The following TTC39B variants were observed in gnomAD, a reference collection of about 807,000 sequenced individuals.
The protein encoded by TTC39B is tetratricopeptide repeat domain 39B.
In TTC39B, 92 loss-of-function variants were observed where a neutral mutation model predicts 96.6. The ratio of observed to expected loss-of-function variants is 0.95; its 90% CI spans 0.80 to 1.13. The LOEUF (loss-of-function observed/expected upper bound fraction) is 1.13, where lower values mean the gene tolerates loss of function less well. Among genes scored for constraint, TTC39B ranks in the 50% most tolerant of loss-of-function variants. The probability of loss-of-function intolerance (pLI) is 0.00; values close to 1 mark genes in which losing one functional copy is unlikely to be tolerated. For synonymous variants in TTC39B, 367 were observed against 299.4 expected, an observed-to-expected ratio of 1.23 and a Z score of -2.33; for missense variants, 955 against 809.3, an observed-to-expected ratio of 1.18 and a Z score of -2.18.
At chr9:15,204,482 T>C (rs1235638877) in intron 6 of TTC39B, among the ~76,000 whole-genome samples, 1 of 151,754 alleles carries the variant, frequency 6.6e-6, no homozygotes, top group Non-Finnish European at 1.5e-5. Context: ...TGAGCCGAGA[T>C]TGCGCCATTG....
intron 8 of TTC39B, among the ~76,000 whole-genome samples, chr9:15,199,596 G>A (rs536410601): frequency 6.6e-5 from 10 of 151,540 alleles, no homozygotes; most frequent in African/African-American, 1.9e-4. Context: ...TTAGCCGGGC[G>A]TGGTGGCGGG....
chr9:15,208,432 G>C (rs1395187463), intron 6 of TTC39B, among the ~76,000 whole-genome samples: 1 of 152,050 alleles, frequency 6.6e-6, no homozygotes, highest in Non-Finnish European at 1.5e-5. Context: ...GAAAAAGGGA[G>C]GCAGAGGTCA....
At chr9:15,177,598 T>A (rs951259234) in intron 18 of TTC39B, 99 bp downstream of exon 18, 5 of 763,606 alleles carry the variant, frequency 6.5e-6, no homozygotes, top group Non-Finnish European at 1.1e-5. Flanking sequence ...CAAGTAAGAG[T>A]TTAGCAGTAA....
At chr9:15,236,920 A>G (rs915767844) in intron 2 of TTC39B, among the ~76,000 whole-genome samples, 1 of 152,220 alleles carries the variant, frequency 6.6e-6, no homozygotes, top group Non-Finnish European at 1.5e-5. Context: ...TCAAGGAACT[A>G]GAAAAACAAG....
At chr9:15,270,892 AGG>A (rs1823325518) in intron 1 of TTC39B, among the ~76,000 whole-genome samples, 2 of 152,166 alleles carry the variant, frequency 1.3e-5, no homozygotes, top group African/African-American at 4.8e-5. Flanking sequence ...ATTTTAAAAA[AGG>A]AAAGGTGAAG....
chr9:15,197,949 G>A (rs1309488988), intron 8 of TTC39B, among the ~76,000 whole-genome samples: 1 of 152,072 alleles, frequency 6.6e-6, no homozygotes, highest in African/African-American at 2.4e-5. Flanking sequence ...AATGAAAACA[G>A]AATTTGTTGA....
exon 3 of TTC39B, chr9:15,225,977 T>C (rs770155324): frequency 1.9e-6 from 3 of 1,614,038 alleles, no homozygotes; most frequent in East Asian, 2.2e-5. Context: ...TGATGCAAAG[T>C]GAAGGCTGCT....
At chr9:15,255,493 A>T (rs938853668) in intron 2 of TTC39B, among the ~76,000 whole-genome samples, 7 of 152,044 alleles carry the variant, frequency 4.6e-5, no homozygotes, top group South Asian at 4.1e-4. Context: ...CAAAAGACAA[A>T]GCTCCCAAGT....
chr9:15,269,482 T>G (rs1375639900), intron 1 of TTC39B, among the ~76,000 whole-genome samples: 2 of 152,238 alleles, frequency 1.3e-5, no homozygotes, highest in Non-Finnish European at 2.9e-5. Context: ...TTCCCTTGTG[T>G]GGCCATTAAT....
intron 2 of TTC39B, among the ~76,000 whole-genome samples, chr9:15,233,981 A>T (rs1297865889): frequency 6.9e-6 from 1 of 144,916 alleles, no homozygotes; most frequent in African/African-American, 2.6e-5. Context: ...CCATCGTCTG[A>T]GATGTGGGGA....
At chr9:15,207,581 T>C (rs1403476208) in intron 6 of TTC39B, among the ~76,000 whole-genome samples, 2 of 152,136 alleles carry the variant, frequency 1.3e-5, no homozygotes, top group East Asian at 3.9e-4. Flanking sequence ...ATCCTGGCCA[T>C]TTGTTTATAA....
intron 3 of TTC39B, among the ~76,000 whole-genome samples, chr9:15,214,909 G>C (rs1820422969): frequency 1.3e-5 from 2 of 152,090 alleles, no homozygotes; most frequent in South Asian, 4.2e-4. Context: ...ACTTGCAAAA[G>C]GGAAATATTT....
chr9:15,191,177 A>G lies in TTC39B; in HGVS notation c.996+13T>C. On this transcript the variant is annotated intron_variant, in intron 10 of 19. Transcript: ENST00000512701. ...TCTTCCCTGTCAAAATTAACATAAA[A>G]TTAAATTTGTACCCTATTCCCAGAA... 1.3e-6 allele frequency: 2 copies of G among 1,570,772 alleles called. No homozygotes were observed. The highest frequency in any genetic ancestry group is 2.7e-5 in the African/African-American group (2 of 73,750).
intron 1 of TTC39B, among the ~76,000 whole-genome samples, chr9:15,272,251 T>C (rs1267952039): frequency 1.3e-5 from 2 of 152,176 alleles, no homozygotes; most frequent in Non-Finnish European, 2.9e-5. Flanking sequence ...GCATGTATTC[T>C]TCATGTAGCA....
chr9:15,267,024 A>G (rs899026888), intron 2 of TTC39B, among the ~76,000 whole-genome samples: 1 of 152,174 alleles, frequency 6.6e-6, no homozygotes, highest in African/African-American at 2.4e-5. Flanking sequence ...GCTTGCAGTG[A>G]GCCGAGATCG....
At chr9:15,238,292 C>T (rs1821880351) in intron 2 of TTC39B, among the ~76,000 whole-genome samples, 1 of 152,086 alleles carries the variant, frequency 6.6e-6, no homozygotes, top group African/African-American at 2.4e-5. Context: ...ATATAAAAGG[C>T]ATCCAAATTG....
Position 15,172,120 on chromosome 9 carries a change from TAAC to T in TTC39B, c.1959-14_1959-12del. ...TCTTTGTAGTTGTTCCTGAAGACAA[TAAC>T]AATAAAATTGTACAGTCAAAATTTC... On this transcript the variant is annotated splice_polypyrimidine_tract_variant and intron_variant, in intron 19 of 19. Coordinates refer to ENST00000512701, the Ensembl canonical transcript of TTC39B. 6.2e-7 allele frequency: 1 copy of T among 1,603,424 alleles called. No individual in the cohort carries two copies. Among genetic ancestry groups the T allele is most frequent in the South Asian group, 1.1e-5 (1 of 90,476 alleles).
intron 1 of TTC39B, among the ~76,000 whole-genome samples, chr9:15,277,507 C>A (rs1325662069): frequency 2.0e-5 from 3 of 152,156 alleles, no homozygotes; most frequent in Non-Finnish European, 4.4e-5. Context: ...AGTTATGGAA[C>A]CTCTGCTCAC....
intron 3 of TTC39B, among the ~76,000 whole-genome samples, chr9:15,225,380 T>C (rs146436687): frequency 0.019 from 2,938 of 152,208 alleles, 88 homozygotes; most frequent in African/African-American, 0.067. Context: ...TTTTCTACAA[T>C]GAACACTTCT....
Sources: gnomAD v4.1 joint callset for allele counts (sites outside exome capture counted in the v4.1 genomes callset) on GRCh38, gnomAD v4.1.1 for gene constraint, MANE v1.5 for transcripts, NCBI Gene and HGNC (gene_info 2026-07-23, HGNC 2026-07-21) for gene names.